Variants in FNIP2 observed in about 807,000 individuals in gnomAD.
The protein encoded by FNIP2 is folliculin-interacting protein 2.
In FNIP2, 32 loss-of-function variants were observed where a neutral mutation model predicts 108.7. The observed-to-expected ratio is 0.29, with a 90% confidence interval of 0.22 to 0.40. The LOEUF (loss-of-function observed/expected upper bound fraction) is 0.40. Ranked by LOEUF, FNIP2 falls within the 10% of genes least tolerant of loss-of-function variation. FNIP2 has a pLI of 1.00. For missense variants in FNIP2, 1,202 were observed against 1,381.6 expected (o/e 0.87, Z 2.06); for synonymous variants, 480 against 496.7 (o/e 0.97, Z 0.45).
chr4:158,814,159 C>T (rs1777438272), intron 1 of FNIP2, among the ~76,000 whole-genome samples: 1 of 152,112 alleles, frequency 6.6e-6, no homozygotes, highest in African/African-American at 2.4e-5. Context: ...CAGGTTTTTA[C>T]ACCTCAGAAG....
intron 1 of FNIP2, among the ~76,000 whole-genome samples, chr4:158,822,088 CAA>C (rs1336003736): frequency 6.7e-6 from 1 of 148,356 alleles, no homozygotes; most frequent in Non-Finnish European, 1.5e-5. Context: ...AACCTGTCTC[CAA>C]AAAAAGGAAA....
chr4:158,783,165 A>G (rs1776109125), intron 1 of FNIP2, among the ~76,000 whole-genome samples: 1 of 152,208 alleles, frequency 6.6e-6, no homozygotes, highest in Non-Finnish European at 1.5e-5. Context: ...ATGCTAAGCT[A>G]GCATGCTTAA....
At position 158,831,872 on chromosome 4, in the gene FNIP2, A is replaced by G; in HGVS notation, c.393A>G (p.Pro131=). The G allele has an allele frequency of 5.0e-6, 8 of 1,611,010 alleles. No individual in the cohort carries two copies. Among genetic ancestry groups the G allele is most frequent in the Non-Finnish European group, 6.8e-6 (8 of 1,178,408 alleles). ...TTTCTTGCATGTAGTACACAAGACC[A>G]GCTTCCGATGTCAACATGTTAGGGG... ...EQLPKYQYTR[P]ASDVNMLGEM... The change falls in exon 4 of 17, where the codon CCA becomes CCG. Residue 131 remains proline, a synonymous_variant. Transcript: ENST00000264433.
intron 14 of FNIP2, among the ~76,000 whole-genome samples, chr4:158,881,792 G>A (rs1369188463): frequency 2.0e-5 from 3 of 152,262 alleles, no homozygotes; most frequent in East Asian, 1.9e-4. Flanking sequence ...GCGTGATCTC[G>A]GCTCGCTACA....
intron 10 of FNIP2, among the ~76,000 whole-genome samples, chr4:158,861,065 A>G (rs977279049): frequency 2.0e-5 from 3 of 152,222 alleles, no homozygotes; most frequent in Admixed American, 2.0e-4. Context: ...TGTAGTAGCA[A>G]CTGAACTTAG....
At chr4:158,800,141 T>G (rs566138485) in intron 1 of FNIP2, among the ~76,000 whole-genome samples, 75 of 152,346 alleles carry the variant, frequency 4.9e-4, no homozygotes, top group African/African-American at 1.8e-3. Flanking sequence ...GAGCCTTAAC[T>G]TTCTTTTCCT....
intron 14 of FNIP2, among the ~76,000 whole-genome samples, chr4:158,883,398 T>C (rs994344988): frequency 6.6e-5 from 10 of 152,096 alleles, no homozygotes; most frequent in South Asian, 2.1e-4. Flanking sequence ...CCCGCCACTA[T>C]GCCCGGCTAA....
At chr4:158,890,479 A>G (rs1782225308) in intron 14 of FNIP2, 1 of 417,844 alleles carries the variant, frequency 2.4e-6, no homozygotes, top group Non-Finnish European at 3.2e-6. Flanking sequence ...AGGGAGTCAG[A>G]TCACCTGTTA....
At chr4:158,836,506 ACT>A (rs1294824164) in intron 7 of FNIP2, 2 of 151,758 alleles carry the variant, frequency 1.3e-5, no homozygotes, top group African/African-American at 2.4e-5. Context: ...TTGGTCAGAA[ACT>A]CTCATTGATC....
chr4:158,777,620 G>T (rs1318440850), intron 1 of FNIP2, among the ~76,000 whole-genome samples: 4 of 152,170 alleles, frequency 2.6e-5, no homozygotes, highest in Non-Finnish European at 4.4e-5. Flanking sequence ...TTAGTTGCTA[G>T]GGCAGAAGGG....
rs932808810 is a variant in FNIP2 at position 158,905,120 on chromosome 4, C to T, written c.*576C>T. The T allele has an allele frequency of 6.6e-6, 1 of 152,446 alleles. No homozygotes were observed. Among genetic ancestry groups the T allele is most frequent in the African/African-American group, 2.4e-5 (1 of 41,442 alleles). 9.4% of individuals were successfully genotyped at this position (152,446 alleles called of 1,614,324 possible). A position where few individuals can be genotyped will look rare whatever the true frequency, so the allele number is the denominator to read the frequency against. On this transcript the variant is annotated 3_prime_UTR_variant, in exon 17 of 17. Transcript: ENST00000264433. ...TTAGCAGTGACTGTTTGACATAAAA[C>T]ATGTAAGAATTGCTTGTTGGGAAGA...
intron 7 of FNIP2, among the ~76,000 whole-genome samples, chr4:158,842,462 A>C (rs1779182027): frequency 6.6e-6 from 1 of 152,170 alleles, no homozygotes; most frequent in African/African-American, 2.4e-5. Context: ...TGAAATAATA[A>C]AGGACCACAT....
intron 8 of FNIP2, among the ~76,000 whole-genome samples, chr4:158,853,419 C>T (rs138170506): frequency 0.012 from 1,770 of 152,264 alleles, 19 homozygotes; most frequent in Non-Finnish European, 0.019. Flanking sequence ...GGTACATGTG[C>T]ACAACGTGCA....
intron 1 of FNIP2, among the ~76,000 whole-genome samples, chr4:158,825,225 C>T (rs1281327397): frequency 6.6e-6 from 1 of 152,156 alleles, no homozygotes; most frequent in African/African-American, 2.4e-5. Context: ...CTGTAGTTCC[C>T]TCACTCTGTA....
chr4:158,870,196 T>C (rs12501159), intron 13 of FNIP2, 117 bp from the exon 14 acceptor site: 6 of 1,148,818 alleles, frequency 5.2e-6, no homozygotes, highest in Non-Finnish European at 7.3e-6. Flanking sequence ...GTTGGTGACA[T>C]GGACCACCCT....
chr4:158,822,530 C>T (rs1777941934), intron 1 of FNIP2, among the ~76,000 whole-genome samples: 1 of 152,116 alleles, frequency 6.6e-6, no homozygotes, highest in African/African-American at 2.4e-5. Flanking sequence ...CTCACTCTGT[C>T]ACCAAGACCA....
chr4:158,885,011 C>G (rs1232965131), intron 14 of FNIP2, among the ~76,000 whole-genome samples: 1 of 150,994 alleles, frequency 6.6e-6, no homozygotes, highest in Non-Finnish European at 1.5e-5. Context: ...CAAAAATTAG[C>G]TGGGCATGGT....
intron 1 of FNIP2, among the ~76,000 whole-genome samples, chr4:158,820,972 A>G (rs898608284): frequency 6.6e-6 from 1 of 152,204 alleles, no homozygotes; most frequent in African/African-American, 2.4e-5. Flanking sequence ...ACTACAGTAC[A>G]TGGCTCTAGA....
chr4:158,819,548 A>C (rs575591321), intron 1 of FNIP2, among the ~76,000 whole-genome samples: 1 of 152,388 alleles, frequency 6.6e-6, no homozygotes, highest in African/African-American at 2.4e-5. Context: ...CAATTCACAC[A>C]GCTGAGGCTG....
Sources: allele counts gnomAD v4.1 joint callset (sites outside exome capture counted in the v4.1 genomes callset), GRCh38; gene constraint gnomAD v4.1.1; transcripts MANE v1.5; gene names NCBI Gene and HGNC (gene_info 2026-07-23, HGNC 2026-07-21).